SAMD5: variants seen among roughly 807,000 people sequenced by gnomAD.
SAMD5 encodes the protein sterile alpha motif domain containing 5, also known as sterile alpha motif domain-containing protein 5.
SAMD5 carries 13 observed loss-of-function variants against 11.3 expected under a neutral mutation model. The observed-to-expected ratio is 1.15, with a 90% CI of 0.75 to 1.83. The LOEUF (loss-of-function observed/expected upper bound fraction) is 1.83, where lower values mean the gene tolerates loss of function less well. Among genes scored for constraint, SAMD5 ranks in the 40% most tolerant of loss-of-function variants. The pLI, the probability that SAMD5 is intolerant of heterozygous loss-of-function variation, is 0.00. For missense variants in SAMD5, 255 were observed against 239.1 expected (o/e 1.07, Z -0.44); for synonymous variants, 129 against 111.3 (o/e 1.16, Z -1.00).
chr6:147,805,450 T>G, the SAMD5 span, among the ~76,000 whole-genome samples: 1 of 152,192 alleles, frequency 6.6e-6, no homozygotes. Context: ...CTTCCTTTAT[T>G]GAAATGATGA....
rs565681766 is a variant in SAMD5, at chr6:147,734,057, A to G, written c.163-3260A>G. Reference sequence around the variant, plus strand: ...AACTTTTGTTATTTTTCCCTATAAGATAAGTTTTTCCTTATGACATAAAAT... The same window carrying G: ...AACTTTTGTTATTTTTCCCTATAAGGTAAGTTTTTCCTTATGACATAAAAT... On this transcript the variant is annotated intron_variant, in intron 1 of 1. Coordinates refer to the SAMD5 transcript ENST00000566741. Among the ~76,000 whole-genome samples, 3 of 147,930 alleles carry G rather than the reference A, an allele frequency of 2.0e-5. No homozygotes were observed. In the East Asian group the frequency reaches 5.9e-4, roughly 29 times the overall value.
the SAMD5 span, among the ~76,000 whole-genome samples, chr6:147,900,924 C>T: frequency 6.6e-6 from 1 of 151,968 alleles, no homozygotes; most frequent in East Asian, 1.9e-4. Context: ...TTTAGAATCA[C>T]AAAAAAATTT....
At chr6:147,877,590 C>T in the SAMD5 span, among the ~76,000 whole-genome samples, 2 of 151,986 alleles carry the variant, frequency 1.3e-5, no homozygotes, top group African/African-American at 4.8e-5. Flanking sequence ...TAGGTGTTTC[C>T]GTAAAGGTAT....
the SAMD5 span, among the ~76,000 whole-genome samples, chr6:147,750,593 G>A: frequency 1.3e-5 from 2 of 152,124 alleles, no homozygotes; most frequent in Non-Finnish European, 2.9e-5. Flanking sequence ...AGTTTGATGA[G>A]GCTCAGGATA....
At chr6:147,851,532 G>GT in the SAMD5 span, among the ~76,000 whole-genome samples, 5 of 152,170 alleles carry the variant, frequency 3.3e-5, no homozygotes, top group African/African-American at 1.2e-4. Flanking sequence ...GTGAAGGCTT[G>GT]TGAATAGAAC....
At chr6:147,931,997 T>C in the SAMD5 span, among the ~76,000 whole-genome samples, 4 of 152,326 alleles carry the variant, frequency 2.6e-5, no homozygotes, top group East Asian at 7.7e-4. Context: ...TCCACATCTA[T>C]CTTTCATTTC....
the SAMD5 span, among the ~76,000 whole-genome samples, chr6:147,770,352 C>A: frequency 4.6e-4 from 70 of 151,752 alleles, no homozygotes; most frequent in Non-Finnish European, 9.0e-4. Context: ...GCATCTGGAT[C>A]ATAGAGCTAT....
At chr6:147,539,365 C>CA (rs1213844416) in intron 1 of SAMD5, among the ~76,000 whole-genome samples, 1 of 152,156 alleles carries the variant, frequency 6.6e-6, no homozygotes, top group African/African-American at 2.4e-5. Context: ...TCCAGGTGTG[C>CA]AAAGAGTCAA....
rs1789053651 is a variant in SAMD5 at position 147,567,090 on chromosome 6, G to A, written c.*2634G>A. ...TTCACTTGATAATATTGAGGAGTCT[G>A]GAGGGTCATAGCAAAATTTTCTTTA... On this transcript the variant is annotated 3_prime_UTR_variant, in exon 2 of 2. Transcript: ENST00000367474. The A allele has an allele frequency of 2.1e-5, 21 of 978,344 alleles. No individual in the cohort carries two copies. The highest frequency in any genetic ancestry group is 2.5e-5 in the Non-Finnish European group (21 of 823,528). The allele number at this position is 978,344 out of a possible 1,614,324, so 60.6% of individuals were successfully genotyped here.
chr6:147,738,294 G>A (rs534215736), downstream of SAMD5, among the ~76,000 whole-genome samples: 6 of 152,280 alleles, frequency 3.9e-5, no homozygotes, highest in South Asian at 2.1e-4. Context: ...GACTTGGGCC[G>A]GAGAGTGGTG....
intron 1 of SAMD5, among the ~76,000 whole-genome samples, chr6:147,514,970 AAG>A (rs926016975): frequency 6.6e-6 from 1 of 152,072 alleles, no homozygotes; most frequent in Non-Finnish European, 1.5e-5. Context: ...TTAGAAAGGA[AAG>A]AGAGAGATTG....
At chr6:147,643,835 AAAG>A (rs778353896) in intron 1 of SAMD5, among the ~76,000 whole-genome samples, 24 of 152,092 alleles carry the variant, frequency 1.6e-4, no homozygotes, top group African/African-American at 2.9e-4. Context: ...GTCCTAAGGT[AAAG>A]AAGAGTCTTT....
At chr6:147,910,486 T>C in the SAMD5 span, among the ~76,000 whole-genome samples, 11 of 152,200 alleles carry the variant, frequency 7.2e-5, no homozygotes, top group African/African-American at 2.7e-4. Flanking sequence ...GTGACCCTGC[T>C]GTTGCTGGGT....
intron 1 of SAMD5, among the ~76,000 whole-genome samples, chr6:147,514,329 G>T (rs752934365): frequency 2.8e-4 from 43 of 152,040 alleles, no homozygotes; most frequent in Non-Finnish European, 4.7e-4. Flanking sequence ...TTCTGACTGA[G>T]TGGAACCAGT....
the SAMD5 span, among the ~76,000 whole-genome samples, chr6:147,932,663 G>T: frequency 6.7e-6 from 1 of 149,874 alleles, no homozygotes; most frequent in Non-Finnish European, 1.5e-5. Context: ...TGAAAATAAG[G>T]TGTTGCTCAA....
the SAMD5 span, among the ~76,000 whole-genome samples, chr6:147,839,866 C>G: frequency 6.6e-6 from 1 of 152,208 alleles, no homozygotes. Context: ...CAGACATTAT[C>G]TCATTTGACC....
At chr6:147,669,999 G>C (rs977782144) in intron 1 of SAMD5, among the ~76,000 whole-genome samples, 1 of 152,102 alleles carries the variant, frequency 6.6e-6, no homozygotes, top group African/African-American at 2.4e-5. Context: ...ACCACCTTAC[G>C]AAATGTGTTT....
At chr6:147,788,038 G>A in the SAMD5 span, among the ~76,000 whole-genome samples, 31 of 152,306 alleles carry the variant, frequency 2.0e-4, no homozygotes, top group Non-Finnish European at 3.2e-4. Flanking sequence ...ATTTGAAAAA[G>A]TCTGCTTGGA....
chr6:147,783,302 A>G, the SAMD5 span, among the ~76,000 whole-genome samples: 1 of 151,806 alleles, frequency 6.6e-6, no homozygotes, highest in Non-Finnish European at 1.5e-5. Context: ...GAGAACATCA[A>G]CCAGCATTGG....
Sources: gnomAD v4.1 joint callset for allele counts (sites outside exome capture counted in the v4.1 genomes callset) on GRCh38, gnomAD v4.1.1 for gene constraint, MANE v1.5 for transcripts, NCBI Gene and HGNC (gene_info 2026-07-23, HGNC 2026-07-21) for gene names.